The following KHDRBS2 variants were observed in gnomAD, a reference collection of about 807,000 sequenced individuals.
KHDRBS2 encodes the protein KH RNA binding domain containing, signal transduction associated 2, also known as KH domain-containing, RNA-binding, signal transduction-associated protein 2.
In KHDRBS2, 26 loss-of-function variants were observed where a neutral mutation model predicts 44.3. That is an observed-to-expected ratio of 0.59 (90% confidence interval 0.43 to 0.81). The LOEUF (loss-of-function observed/expected upper bound fraction) is 0.81, where lower values mean the gene tolerates loss of function less well. Among genes scored for constraint, KHDRBS2 ranks in the 40% least tolerant of loss-of-function variants. KHDRBS2 has a pLI of 0.00. For missense variants in KHDRBS2, 476 were observed against 433.1 expected (o/e 1.10, Z -0.88); for synonymous variants, 194 against 151.1 (o/e 1.28, Z -2.08).
At chr6:62,198,115 A>G (rs1307585070) in intron 1 of KHDRBS2, among the ~76,000 whole-genome samples, 24 of 152,204 alleles carry the variant, frequency 1.6e-4, no homozygotes. Context: ...TACAGCACTA[A>G]ATGCCCACAA....
At chr6:62,200,558 T>C (rs1563052692) in intron 1 of KHDRBS2, among the ~76,000 whole-genome samples, 1 of 152,180 alleles carries the variant, frequency 6.6e-6, no homozygotes, top group Non-Finnish European at 1.5e-5. Flanking sequence ...CCAGTTAGAA[T>C]GGCGATCATT....
rs1775317241 is a variant in KHDRBS2 at position 61,736,187 on chromosome 6, T to G, written c.811-3423A>C. On this transcript the variant is annotated intron_variant, in intron 6 of 8. Transcript: ENST00000281156. ...AAATTTACTTTTTTGTCCTATATGA[T>G]ATCTCTTATTCTTTTTACTTTACTT... Among the ~76,000 whole-genome samples, 3 of 147,014 alleles carry G rather than the reference T, an allele frequency of 2.0e-5. No individual in the cohort carries two copies. The South Asian group carries it at 6.5e-4, about 32-fold the overall frequency.
At chr6:61,904,328 A>T (rs1223759675) in intron 4 of KHDRBS2, among the ~76,000 whole-genome samples, 1 of 152,182 alleles carries the variant, frequency 6.6e-6, no homozygotes, top group African/African-American at 2.4e-5. Flanking sequence ...ATCTACTAAC[A>T]TGGAGGGGAT....
At chr6:61,722,589 A>T (rs1772825190) in intron 7 of KHDRBS2, among the ~76,000 whole-genome samples, 1 of 152,128 alleles carries the variant, frequency 6.6e-6, no homozygotes, top group South Asian at 2.1e-4. Flanking sequence ...ACTAAGTCAC[A>T]CATATTCTAC....
chr6:62,098,853 T>C (rs1801230785), intron 2 of KHDRBS2, among the ~76,000 whole-genome samples: 1 of 152,182 alleles, frequency 6.6e-6, no homozygotes, highest in South Asian at 2.1e-4. Flanking sequence ...TTCCCCTCCA[T>C]GTATTTCAAA....
chr6:62,081,095 T>G (rs1169192502), intron 2 of KHDRBS2, among the ~76,000 whole-genome samples: 1 of 152,176 alleles, frequency 6.6e-6, no homozygotes, highest in African/African-American at 2.4e-5. Context: ...GAATGTGTCC[T>G]ATTTTCTTTT....
the KHDRBS2 span, among the ~76,000 whole-genome samples, chr6:61,554,111 C>T: frequency 6.6e-6 from 1 of 152,104 alleles, no homozygotes; most frequent in Non-Finnish European, 1.5e-5. Context: ...TTAAAGTCTT[C>T]CAATATTATT....
chr6:61,597,773 T>TATATATATATATATATACATACAC, the KHDRBS2 span, among the ~76,000 whole-genome samples: 9 of 42,340 alleles, frequency 2.1e-4, 1 homozygote, highest in Non-Finnish European at 4.3e-4. Context: ...TATATATATA[T>TATATATATATATATATACATACAC]ACACCAAGAT....
intron 2 of KHDRBS2, among the ~76,000 whole-genome samples, chr6:62,107,163 G>A (rs1803611436): frequency 6.6e-6 from 1 of 151,902 alleles, no homozygotes; most frequent in Admixed American, 6.6e-5. Flanking sequence ...GTCCCTGTTT[G>A]CAGATGACAT....
intron 1 of KHDRBS2, among the ~76,000 whole-genome samples, chr6:62,235,809 G>T (rs2150162726): frequency 6.6e-6 from 1 of 152,034 alleles, no homozygotes; most frequent in East Asian, 1.9e-4. Context: ...ACAATTTCGA[G>T]ATTTCTAAAA....
At chr6:61,732,061 T>C (rs1397667593) in intron 7 of KHDRBS2, among the ~76,000 whole-genome samples, 2 of 152,096 alleles carry the variant, frequency 1.3e-5, no homozygotes, top group Non-Finnish European at 2.9e-5. Flanking sequence ...TGGTGGTCAT[T>C]ACACAGTAGT....
At chr6:61,688,334 A>G (rs1221175386) in intron 8 of KHDRBS2, among the ~76,000 whole-genome samples, 3 of 151,970 alleles carry the variant, frequency 2.0e-5, no homozygotes, top group Non-Finnish European at 4.4e-5. Flanking sequence ...ATCTGACTAA[A>G]GTCTAAAACG....
chr6:61,644,223 A>T, the KHDRBS2 span, among the ~76,000 whole-genome samples: 1 of 152,164 alleles, frequency 6.6e-6, no homozygotes, highest in African/African-American at 2.4e-5. Context: ...CTGATTCAAA[A>T]ATGGTGCTGG....
chr6:62,131,425 T>A (rs1271045959), intron 2 of KHDRBS2, among the ~76,000 whole-genome samples: 3 of 152,342 alleles, frequency 2.0e-5, no homozygotes, highest in African/African-American at 7.2e-5. Flanking sequence ...GAGTAGTGCA[T>A]AGGGGCAGTA....
chr6:61,965,542 G>A (rs1769736221), intron 4 of KHDRBS2, among the ~76,000 whole-genome samples: 2 of 152,004 alleles, frequency 1.3e-5, no homozygotes, highest in Non-Finnish European at 1.5e-5. Flanking sequence ...AGAGAGGGTA[G>A]ATATTTTCCA....
intron 1 of KHDRBS2, among the ~76,000 whole-genome samples, chr6:62,212,728 C>T (rs1829284219): frequency 6.6e-6 from 1 of 152,166 alleles, no homozygotes; most frequent in Admixed American, 6.6e-5. Context: ...ACAGATTCTT[C>T]CCTAGTGCCT....
chr6:61,839,394 T>G (rs1314186643), intron 6 of KHDRBS2, among the ~76,000 whole-genome samples: 1 of 152,024 alleles, frequency 6.6e-6, no homozygotes, highest in Non-Finnish European at 1.5e-5. Flanking sequence ...AATAGATATT[T>G]GTAACAGGGT....
chr6:62,264,526 C>T (rs1028029037), intron 1 of KHDRBS2, among the ~76,000 whole-genome samples: 9 of 151,786 alleles, frequency 5.9e-5, no homozygotes, highest in Non-Finnish European at 7.4e-5. Flanking sequence ...CATGGGTTGG[C>T]TATTTTCTTT....
chr6:62,105,201 T>A (rs1387705344), intron 2 of KHDRBS2, among the ~76,000 whole-genome samples: 1 of 152,144 alleles, frequency 6.6e-6, no homozygotes, highest in Non-Finnish European at 1.5e-5. Flanking sequence ...ACACTTAAAA[T>A]AGAAGTAATG....
Sources: allele counts gnomAD v4.1 joint callset (sites outside exome capture counted in the v4.1 genomes callset), GRCh38; gene constraint gnomAD v4.1.1; transcripts MANE v1.5; gene names NCBI Gene and HGNC (gene_info 2026-07-23, HGNC 2026-07-21).